Variants in TICRR observed in about 807,000 individuals in gnomAD.
The protein encoded by TICRR is TOPBP1 interacting checkpoint and replication regulator, also known as treslin.
In TICRR, 132 loss-of-function variants were observed where a neutral mutation model predicts 178.1. The observed-to-expected ratio is 0.74, with a 90% CI of 0.64 to 0.86. The LOEUF is 0.86. Ranked by LOEUF, TICRR falls within the 40% of genes least tolerant of loss-of-function variation. The pLI is 0.00. For synonymous variants in TICRR, 991 were observed against 900.7 expected (o/e 1.10, Z -1.79); for missense variants, 2,587 against 2,334.3 (o/e 1.11, Z -2.23).
At chr15:89,576,860 T>TACACAC (rs374061866) in intron 1 of TICRR, among the ~76,000 whole-genome samples, 2 of 128,626 alleles carry the variant, frequency 1.6e-5, no homozygotes, top group East Asian at 2.3e-4. Flanking sequence ...TATATATATA[T>TACACAC]ACACACACAC....
chr15:89,606,832 T>C lies in TICRR; in HGVS notation c.2722+7T>C. The C allele has an allele frequency of 6.2e-7, 1 of 1,612,770 alleles. No individual in the cohort carries two copies. The highest frequency in any genetic ancestry group is 1.3e-5 in the African/African-American group (1 of 75,034). On this transcript the variant is annotated splice_region_variant and intron_variant, in intron 14 of 21. Coordinates refer to ENST00000268138, the MANE Select transcript of TICRR (RefSeq NM_152259.4). ...GTGAAAGATACAGTGCAAGGTATAC[T>C]GTTTTCTCAGTGTATGTATTTATTC...
chr15:89,589,437 G>A (rs78973372), intron 4 of TICRR, among the ~76,000 whole-genome samples: 1 of 152,228 alleles, frequency 6.6e-6, no homozygotes, highest in African/African-American at 2.4e-5. Context: ...CAGGCGGCCA[G>A]TGGAGGGTGG....
At chr15:89,614,248 T>C (rs983967593) in intron 15 of TICRR, among the ~76,000 whole-genome samples, 44 of 152,264 alleles carry the variant, frequency 2.9e-4, no homozygotes, top group Non-Finnish European at 5.4e-4. Context: ...TGATTTTTTT[T>C]CCCCTGTGTA....
intron 19 of TICRR, 47 bp from the exon 20 acceptor site, chr15:89,623,576 C>G (rs1963459033): frequency 6.5e-7 from 1 of 1,539,702 alleles, no homozygotes; most frequent in African/African-American, 1.4e-5. Context: ...CTTCAGAGAT[C>G]ATGAGTTATA....
intron 7 of TICRR, among the ~76,000 whole-genome samples, chr15:89,598,776 C>T (rs912661268): frequency 2.6e-5 from 4 of 151,672 alleles, no homozygotes; most frequent in Non-Finnish European, 4.4e-5. Context: ...GAGGCCAGGG[C>T]GGATAGATGG....
chr15:89,618,833 C>T (rs1963377119), intron 17 of TICRR, among the ~76,000 whole-genome samples: 1 of 152,230 alleles, frequency 6.6e-6, no homozygotes, highest in African/African-American at 2.4e-5. Context: ...TTGGCATACT[C>T]CTATGGTCCC....
At chr15:89,602,165 G>A (rs1004343322) in intron 12 of TICRR, among the ~76,000 whole-genome samples, 189 bp downstream of exon 12, 8 of 152,102 alleles carry the variant, frequency 5.3e-5, no homozygotes, top group Non-Finnish European at 1.0e-4. Flanking sequence ...ATATTATCTA[G>A]GAAATATATA....
Position 89,575,875 on chromosome 15 carries a change from G to A in TICRR, c.289G>A (p.Ala97Thr), listed in dbSNP as rs764385206. 3.7e-5 allele frequency: 59 copies of A among 1,586,672 alleles called. No homozygotes were observed. In the South Asian group the frequency reaches 6.3e-4, roughly 17 times the overall value. Residue 97 changes from alanine to threonine, a missense_variant, in exon 1 of 22, where the codon GCC becomes ACC. Ala to Thr is a moderately conservative substitution (Grantham distance 58). Transcript: ENST00000268138. ...CCACCTGCCCGGCCCGGCGCCCAGG[G>A]CCACCCACACGCACGGCGCCCTGAT... ...RAHLPGPAPRATHTHGALMET... is the reference protein window; with the variant it reads ...RAHLPGPAPRTTHTHGALMET...
intron 13 of TICRR, among the ~76,000 whole-genome samples, chr15:89,606,446 A>T (rs950790123): frequency 6.6e-6 from 1 of 152,196 alleles, no homozygotes; most frequent in Non-Finnish European, 1.5e-5. Context: ...ATTTTGGAGC[A>T]TATTGGATTT....
chr15:89,587,327 G>A (rs2141955723), intron 4 of TICRR, among the ~76,000 whole-genome samples: 1 of 152,198 alleles, frequency 6.6e-6, no homozygotes, highest in East Asian at 1.9e-4. Flanking sequence ...GTATTGAGTA[G>A]GCATCAACTA....
intron 18 of TICRR, among the ~76,000 whole-genome samples, chr15:89,620,780 T>G (rs1963410950): frequency 6.6e-6 from 1 of 152,128 alleles, no homozygotes; most frequent in Admixed American, 6.6e-5. Flanking sequence ...TGGAGTGCAG[T>G]GGCGCAATCT....
In TICRR at chr15:89,585,916, A is replaced by G. The variant is rs776393142; in HGVS notation, c.1385A>G (p.Asp462Gly). The G allele has an allele frequency of 6.2e-7, 1 of 1,614,106 alleles. No homozygotes were observed. Among genetic ancestry groups the G allele is most frequent in the South Asian group, 1.1e-5 (1 of 91,076 alleles). ...GATAGTATATTGAATCAGACTCATGATTCGCTTGCAGATACTGCTTCTGCT... is the reference window on the plus strand; with the variant it reads ...GATAGTATATTGAATCAGACTCATGGTTCGCTTGCAGATACTGCTTCTGCT... ...VVDSILNQTHDSLADTASAAS... is the reference protein window; with the variant it reads ...VVDSILNQTHGSLADTASAAS... The change falls in exon 4 of 22, where the codon GAT becomes GGT. Residue 462 changes from aspartate to glycine, a missense_variant. Transcript: ENST00000268138.
intron 5 of TICRR, among the ~76,000 whole-genome samples, 172 bp from the exon 6 acceptor site, chr15:89,594,243 G>C (rs1049823893): frequency 2.0e-5 from 3 of 152,110 alleles, no homozygotes; most frequent in Admixed American, 6.5e-5. Context: ...CGTTCAAATC[G>C]AAAATGAGAG....
At chr15:89,576,837 A>G (rs866376435) in intron 1 of TICRR, among the ~76,000 whole-genome samples, 4,172 of 135,816 alleles carry the variant, frequency 0.031, 247 homozygotes, top group African/African-American at 0.11. Context: ...ATATATATAT[A>G]TATATATATA....
At position 89,592,044 on chromosome 15, in the gene TICRR, T is replaced by C. The variant is rs200267152; in HGVS notation, c.1412-3T>C. The C allele has an allele frequency of 7.5e-6, 12 of 1,602,756 alleles. No homozygotes were observed. The African/African-American group carries it at 1.3e-4, about 18-fold the overall frequency. On this transcript the variant is annotated splice_polypyrimidine_tract_variant and splice_region_variant and intron_variant, in intron 4 of 21. Coordinates refer to ENST00000268138, the MANE Select transcript of TICRR (RefSeq NM_152259.4). ...TCCTGCCGCTGCTCCTTTGCTCCAA[T>C]AGCTTCTCCTGTTCCAGAGTGGGCC... is the stretch of plus-strand genomic sequence containing the variant.
intron 7 of TICRR, among the ~76,000 whole-genome samples, chr15:89,596,879 C>T (rs1963006860): frequency 6.6e-6 from 1 of 152,138 alleles, no homozygotes. Flanking sequence ...GTATAACTAA[C>T]TGCATTATGT....
chr15:89,594,422 C>A lies in TICRR; in HGVS notation c.1549C>A (p.Gln517Lys). ...GACATCTTGACTTCACAGGTTACTA[C>A]AGGCTGCCTCAGCTAATAAGGAAGA... ...SDLMESFGLL[Q>K]AASANKEESS... The change falls in exon 6 of 22, where the codon CAG (glutamine) becomes AAG (lysine). Residue 517 changes from glutamine (Q) to lysine (K), a missense_variant. Transcript: ENST00000268138. 1 of 1,610,842 alleles carries A rather than the reference C, an allele frequency of 6.2e-7. No individual in the cohort carries two copies. Among genetic ancestry groups the A allele is most frequent in the Non-Finnish European group, 8.5e-7 (1 of 1,178,598 alleles).
chr15:89,597,524 C>CA (rs573543978), intron 7 of TICRR, among the ~76,000 whole-genome samples: 35,868 of 117,348 alleles, frequency 0.31, 5,272 homozygotes, highest in South Asian at 0.42. Flanking sequence ...GACTCTGTCT[C>CA]AAAAAAAAAA....
chr15:89,620,404 C>T (rs1199102074), intron 18 of TICRR, among the ~76,000 whole-genome samples: 2 of 151,810 alleles, frequency 1.3e-5, no homozygotes, highest in Non-Finnish European at 2.9e-5. Flanking sequence ...GACTGGGTTT[C>T]ACCATGTTGC....
Sources: allele counts gnomAD v4.1 joint callset (sites outside exome capture counted in the v4.1 genomes callset), GRCh38; gene constraint gnomAD v4.1.1; transcripts MANE v1.5; gene names NCBI Gene and HGNC (gene_info 2026-07-23, HGNC 2026-07-21).